PCDH15: variants seen among roughly 807,000 people sequenced by gnomAD.
PCDH15 encodes protocadherin-15.
Under a neutral mutation model 178.5 loss-of-function variants are expected in PCDH15, and 129 were observed. The ratio of observed to expected loss-of-function variants is 0.72; its 90% CI spans 0.63 to 0.84. The LOEUF (loss-of-function observed/expected upper bound fraction) is 0.84. Among genes scored for constraint, PCDH15 ranks in the 40% least tolerant of loss-of-function variants. The probability of loss-of-function intolerance (pLI) is 0.00; values close to 1 mark genes in which losing one functional copy is unlikely to be tolerated. For missense variants in PCDH15, 2,230 were observed against 2,099.9 expected, an observed-to-expected ratio of 1.06 and a Z score of -1.21; for synonymous variants, 800 against 732.0, an observed-to-expected ratio of 1.09 and a Z score of -1.50.
chr10:54,936,825 T>G (rs916117675), intron 2 of PCDH15, among the ~76,000 whole-genome samples: 9 of 151,770 alleles, frequency 5.9e-5, no homozygotes, highest in Non-Finnish European at 1.2e-4. Context: ...TCTTGATGTT[T>G]TACCAAGCAC....
intron 8 of PCDH15, among the ~76,000 whole-genome samples, chr10:54,283,859 A>AT (rs1045726581): frequency 6.6e-6 from 1 of 152,052 alleles, no homozygotes; most frequent in Non-Finnish European, 1.5e-5. Context: ...TTATTTATTT[A>AT]TTTTTTAGAG....
chr10:54,253,147 AT>A (rs1274482983), intron 8 of PCDH15, among the ~76,000 whole-genome samples: 1 of 152,108 alleles, frequency 6.6e-6, no homozygotes, highest in African/African-American at 2.4e-5. Flanking sequence ...GAGAAATATC[AT>A]TTTAAATTCA....
In PCDH15 at chr10:53,802,780, G is replaced by GA. The variant is rs1840947596; in HGVS notation, c.*3798dup. On this transcript the variant is annotated 3_prime_UTR_variant, in exon 38 of 38. Transcript: ENST00000644397. ...GTAATGAGAAATCATCTTTTCAAATGAAAATTTATTTTTGAAACATTGTGT... is the reference window on the plus strand; with the variant it reads ...GTAATGAGAAATCATCTTTTCAAATGAAAAATTTATTTTTGAAACATTGTGT... 1 of 151,806 alleles carries GA rather than the reference G, an allele frequency of 6.6e-6. No homozygotes were observed. Among genetic ancestry groups the GA allele is most frequent in the African/African-American group, 2.4e-5 (1 of 41,400 alleles). 9.4% of individuals were successfully genotyped at this position (151,806 alleles called of 1,614,324 possible). A position where few individuals can be genotyped will look rare whatever the true frequency, so the allele number is the denominator to read the frequency against.
chr10:54,931,476 A>G (rs554047201), intron 2 of PCDH15, among the ~76,000 whole-genome samples: 1 of 152,254 alleles, frequency 6.6e-6, no homozygotes, highest in South Asian at 2.1e-4. Context: ...GCTGAGGTAT[A>G]AGCCCATTTA....
At chr10:54,346,553 T>C in intron 5 of PCDH15, 69 bp from the exon 6 acceptor site, 1 of 1,576,966 alleles carries the variant, frequency 6.3e-7, no homozygotes, top group Non-Finnish European at 8.7e-7. Flanking sequence ...TGTTACAGCA[T>C]AAAAATCAGC....
chr10:55,336,226 G>A (rs948140062), intron 2 of PCDH15, among the ~76,000 whole-genome samples: 2 of 151,058 alleles, frequency 1.3e-5, no homozygotes, highest in South Asian at 2.1e-4. Context: ...TGGGCCGGGC[G>A]CAGTGGCTCC....
chr10:54,254,360 C>CAG (rs1482099162), intron 8 of PCDH15, among the ~76,000 whole-genome samples: 1 of 151,938 alleles, frequency 6.6e-6, no homozygotes, highest in East Asian at 1.9e-4. Flanking sequence ...TAATGCTTTA[C>CAG]AGAGCTCATA....
In PCDH15 at chr10:55,420,862, C is replaced by A. The variant is rs1838603970; in HGVS notation, c.-156+206763G>T. Among the ~76,000 whole-genome samples the A allele has an allele frequency of 2.6e-5, 4 of 151,434 alleles. No homozygotes were observed. The South Asian group carries it at 8.3e-4, about 31-fold the overall frequency. ...CTAGGAATAATAACCAAGGAACTTA[C>A]CACGTAGAAAAATGAAAGCCCAGAA... On this transcript the variant is annotated intron_variant, in intron 2 of 5. Transcript: ENST00000613346.
At chr10:54,296,011 G>T (rs2133137530) in intron 8 of PCDH15, among the ~76,000 whole-genome samples, 1 of 150,174 alleles carries the variant, frequency 6.7e-6, no homozygotes, top group East Asian at 2.0e-4. Context: ...CGGGCGTAGT[G>T]GCGGGCGCCT....
At chr10:54,853,326 C>CATACAT (rs1167637053) in intron 3 of PCDH15, among the ~76,000 whole-genome samples, 1 of 121,436 alleles carries the variant, frequency 8.2e-6, no homozygotes, top group African/African-American at 3.1e-5. Flanking sequence ...TATACATACA[C>CATACAT]ACACATATAC....
At chr10:53,888,282 C>CTCTATATATATATATA (rs2081240668) in intron 26 of PCDH15, among the ~76,000 whole-genome samples, 2 of 95,426 alleles carry the variant, frequency 2.1e-5, no homozygotes, top group Admixed American at 2.3e-4. Flanking sequence ...CATTCCAACA[C>CTCTATATATATATATA]TATATATACA....
rs149482705 is a variant in PCDH15 at position 55,273,541 on chromosome 10, G to A, written c.-156+46058C>T. Reference sequence around the variant, plus strand: ...GTGTATGTGGTGGGTGGGTTGGTGGGCAAGGGGGTGTGTGTGACTGATGTA... The same window carrying A: ...GTGTATGTGGTGGGTGGGTTGGTGGACAAGGGGGTGTGTGTGACTGATGTA... On this transcript the variant is annotated intron_variant, in intron 1 of 5. Transcript: ENST00000458638. 4.6e-3 allele frequency among the ~76,000 whole-genome samples: 702 copies of A among 152,090 alleles called. 3 individuals are homozygous for A. Among genetic ancestry groups the A allele is most frequent in the Non-Finnish European group, 6.7e-3 (453 of 67,986 alleles).
chr10:55,182,959 G>A (rs1484677501), intron 1 of PCDH15, among the ~76,000 whole-genome samples: 8 of 151,922 alleles, frequency 5.3e-5, no homozygotes, highest in Non-Finnish European at 1.2e-4. Flanking sequence ...GGCAGAAACT[G>A]TGCAGCCCAG....
chr10:53,816,656 G>A (rs1167791276), intron 34 of PCDH15, among the ~76,000 whole-genome samples: 3 of 152,168 alleles, frequency 2.0e-5, no homozygotes, highest in Middle Eastern at 6.8e-3. Flanking sequence ...GTTTTAAGTT[G>A]CCCTTCTTTT....
At chr10:54,973,389 T>C (rs1190813518) in intron 2 of PCDH15, among the ~76,000 whole-genome samples, 1 of 152,212 alleles carries the variant, frequency 6.6e-6, no homozygotes, top group African/African-American at 2.4e-5. Flanking sequence ...TTTTTTAGGT[T>C]GCATAAAAAT....
chr10:55,188,371 T>A (rs1032362179), intron 1 of PCDH15, among the ~76,000 whole-genome samples: 1 of 151,914 alleles, frequency 6.6e-6, no homozygotes, highest in Non-Finnish European at 1.5e-5. Flanking sequence ...TTCTTAAATA[T>A]CATTATTTTA....
Position 54,828,988 on chromosome 10 carries a change from C to T in PCDH15, c.-29+68462G>A, listed in dbSNP as rs572062031. 2.4e-4 allele frequency among the ~76,000 whole-genome samples: 36 copies of T among 151,898 alleles called. No homozygotes were observed. In the South Asian group the frequency reaches 5.8e-3, roughly 25 times the overall value. On this transcript the variant is annotated intron_variant, in intron 3 of 5. Transcript: ENST00000458638. ...CCTCAAGTGGAAAGATTCTGAAAGACGTGAGAACATAGCATATTAAAAAAC... is the reference window on the plus strand; with the variant it reads ...CCTCAAGTGGAAAGATTCTGAAAGATGTGAGAACATAGCATATTAAAAAAC...
chr10:54,528,827 C>T (rs2083616866), intron 2 of PCDH15, among the ~76,000 whole-genome samples: 1 of 151,934 alleles, frequency 6.6e-6, no homozygotes, highest in South Asian at 2.1e-4. Context: ...CCAGGTATCA[C>T]ATGATAATGA....
At chr10:54,487,867 T>TA (rs1418009988) in intron 3 of PCDH15, among the ~76,000 whole-genome samples, 3 of 151,996 alleles carry the variant, frequency 2.0e-5, no homozygotes, top group Admixed American at 2.0e-4. Flanking sequence ...CCTTTCATTT[T>TA]AAACAAACAA....
Sources: allele counts gnomAD v4.1 joint callset (sites outside exome capture counted in the v4.1 genomes callset), GRCh38; gene constraint gnomAD v4.1.1; transcripts MANE v1.5; gene names NCBI Gene and HGNC (gene_info 2026-07-23, HGNC 2026-07-21).